PLCG2: variants seen among roughly 807,000 people sequenced by gnomAD.
PLCG2 encodes the protein 1-phosphatidylinositol 4,5-bisphosphate phosphodiesterase gamma-2.
A neutral mutation model predicts 175.6 loss-of-function variants in PLCG2; 69 were observed. That is an observed-to-expected ratio of 0.39 (90% CI 0.32 to 0.48). The LOEUF (loss-of-function observed/expected upper bound fraction) is 0.48, where lower values mean the gene tolerates loss of function less well. PLCG2 is among the 20% of genes least tolerant of loss of function. The probability of loss-of-function intolerance (pLI) is 0.91; values close to 1 mark genes in which losing one functional copy is unlikely to be tolerated. For synonymous variants in PLCG2, 827 were observed against 624.0 expected, an observed-to-expected ratio of 1.33 and a Z score of -4.85; for missense variants, 1,798 against 1,650.9, an observed-to-expected ratio of 1.09 and a Z score of -1.54.
chr16:81,859,669 G>T (rs1163540774), intron 5 of PLCG2, among the ~76,000 whole-genome samples: 4 of 152,102 alleles, frequency 2.6e-5, no homozygotes, highest in Admixed American at 6.5e-5. Flanking sequence ...CAAGTACCTA[G>T]GACTACAGGC....
chr16:81,761,229 G>A (rs1910035024), intron 2 of PLCG2, among the ~76,000 whole-genome samples: 1 of 152,106 alleles, frequency 6.6e-6, no homozygotes, highest in African/African-American at 2.4e-5. Flanking sequence ...GCTGGGTGTG[G>A]TTGTGCATAC....
intron 7 of PLCG2, among the ~76,000 whole-genome samples, chr16:81,876,651 C>T (rs1451443260): frequency 3.9e-5 from 6 of 152,162 alleles, no homozygotes; most frequent in Non-Finnish European, 7.3e-5. Context: ...TAAATGTGTG[C>T]GTGACCCAAG....
At chr16:81,757,632 T>G (rs988696246) in intron 2 of PLCG2, among the ~76,000 whole-genome samples, 4 of 152,160 alleles carry the variant, frequency 2.6e-5, no homozygotes, top group Admixed American at 1.3e-4. Context: ...CACTTCCTAT[T>G]TTTTACATTT....
intron 2 of PLCG2, among the ~76,000 whole-genome samples, chr16:81,757,162 T>C (rs1264916196): frequency 1.3e-5 from 2 of 152,126 alleles, no homozygotes; most frequent in Non-Finnish European, 2.9e-5. Context: ...AGGGACCACA[T>C]TGGAAATTCC....
Position 81,940,008 on chromosome 16 carries a change from G to A in PLCG2, c.3430G>A (p.Asp1144Asn), listed in dbSNP as rs769393894. Residue 1144 changes from aspartate (D) to asparagine (N), a missense_variant, in exon 30 of 33, where the codon GAT becomes AAT. By Grantham distance (23) the Asp-to-Asn change is conservative. Transcript: ENST00000564138. ...GGTTTATGAAGAAGATATGTTCAGC[G>A]ATCCCAACTTTCTTGCTCATGCCAC... ...FVVYEEDMFS[D>N]PNFLAHATYP... 6.2e-7 allele frequency: 1 copy of A among 1,614,102 alleles called. No individual in the cohort carries two copies. Among genetic ancestry groups the A allele is most frequent in the Non-Finnish European group, 8.5e-7 (1 of 1,179,926 alleles).
In PLCG2 at chr16:81,956,787, G is replaced by A. The variant is rs1455759195; in HGVS notation, c.3663G>A (p.Gln1221=). ...NNQLFLYDTH[Q]NLRNANRDAL... ...AGCTCTTTCTGTATGACACACACCAGAACTTGCGCAATGCCAACCGGGATG... is the reference window on the plus strand; with the variant it reads ...AGCTCTTTCTGTATGACACACACCAAAACTTGCGCAATGCCAACCGGGATG... The change falls in exon 32 of 33, where the codon CAG becomes CAA. Residue 1221 remains glutamine (Q), a synonymous_variant. Transcript: ENST00000564138. 1.9e-6 allele frequency: 3 copies of A among 1,614,080 alleles called. No individual in the cohort carries two copies. In the Admixed American group the frequency reaches 5.0e-5, roughly 27 times the overall value.
intron 1 of PLCG2, among the ~76,000 whole-genome samples, chr16:81,743,858 TC>T (rs1296831595): frequency 2.2e-5 from 3 of 138,846 alleles, no homozygotes; most frequent in Non-Finnish European, 4.9e-5. Flanking sequence ...TCCTTTTTTT[TC>T]TTTTTCTTTT....
intron 3 of PLCG2, among the ~76,000 whole-genome samples, chr16:81,857,714 C>G (rs1382508310): frequency 6.6e-6 from 1 of 152,136 alleles, no homozygotes; most frequent in African/African-American, 2.4e-5. Context: ...CTAAATACCT[C>G]ACAAAGGCCC....
intron 19 of PLCG2, among the ~76,000 whole-genome samples, chr16:81,915,522 C>A (rs1909803325): frequency 6.6e-6 from 1 of 152,232 alleles, no homozygotes; most frequent in South Asian, 2.1e-4. Flanking sequence ...CCCATCTCCC[C>A]TTCTGATTCT....
chr16:81,749,215 C>T (rs1909760004), intron 1 of PLCG2, among the ~76,000 whole-genome samples: 2 of 152,184 alleles, frequency 1.3e-5, no homozygotes, highest in African/African-American at 4.8e-5. Flanking sequence ...AGATCCTGTT[C>T]TCTGAACCCA....
chr16:81,842,257 T>C (rs1205704249), intron 2 of PLCG2, among the ~76,000 whole-genome samples: 2 of 152,224 alleles, frequency 1.3e-5, no homozygotes, highest in African/African-American at 2.4e-5. Context: ...AGGATGCATG[T>C]GCTCAGAGAA....
In PLCG2 at chr16:81,960,900, C is replaced by G. The variant is rs1443869388; in HGVS notation, c.*2902C>G. ...AGCCTCATCTTCCTGTTATATTCTT[C>G]TCTAAGATTCATCTGCCTGAGAAAA... On this transcript the variant is annotated 3_prime_UTR_variant, in exon 33 of 33. Transcript: ENST00000564138. 1 of 229,292 alleles carries G rather than the reference C, an allele frequency of 4.4e-6. No individual in the cohort carries two copies. Among genetic ancestry groups the G allele is most frequent in the African/African-American group, 2.2e-5 (1 of 45,126 alleles). 14.2% of individuals were successfully genotyped at this position (229,292 alleles called of 1,614,324 possible).
chr16:81,791,070 C>T (rs571000964), intron 2 of PLCG2, among the ~76,000 whole-genome samples: 1 of 152,236 alleles, frequency 6.6e-6, no homozygotes, highest in East Asian at 1.9e-4. Context: ...CTCATTTGTT[C>T]AGCACATGTT....
intron 31 of PLCG2, among the ~76,000 whole-genome samples, chr16:81,947,929 T>C (rs1290069374): frequency 6.6e-6 from 1 of 152,202 alleles, no homozygotes; most frequent in East Asian, 1.9e-4. Context: ...TTGTATATGA[T>C]ATTTCCATAG....
At chr16:81,825,222 G>A (rs76653789) in intron 2 of PLCG2, among the ~76,000 whole-genome samples, 3,235 of 152,148 alleles carry the variant, frequency 0.021, 121 homozygotes, top group African/African-American at 0.074. Flanking sequence ...GCTTATTTGG[G>A]AGTGTGTTTT....
rs1911805282 is a variant in PLCG2 at position 81,962,246 on chromosome 16, C to G, written c.*4248C>G. ...CTAAAAAGGACCTCAACCCTTTTGA[C>G]TTTAAAAGGAAAATAGCTTAACCTT... On this transcript the variant is annotated 3_prime_UTR_variant, in exon 33 of 33. Transcript: ENST00000564138. The G allele has an allele frequency of 5.2e-6, 1 of 192,826 alleles. No homozygotes were observed. Among genetic ancestry groups the G allele is most frequent in the Non-Finnish European group, 1.1e-5 (1 of 92,484 alleles). 11.9% of individuals were successfully genotyped at this position (192,826 alleles called of 1,614,324 possible). A position where few individuals can be genotyped will look rare whatever the true frequency, so the allele number is the denominator to read the frequency against.
chr16:81,866,045 G>T (rs1567505893), intron 5 of PLCG2, among the ~76,000 whole-genome samples: 1 of 135,354 alleles, frequency 7.4e-6, no homozygotes, highest in African/African-American at 2.9e-5. Flanking sequence ...GCACCAGCAT[G>T]AGAGGACGCT....
chr16:81,898,812 T>G (rs1409755000), intron 13 of PLCG2, among the ~76,000 whole-genome samples: 1 of 152,174 alleles, frequency 6.6e-6, no homozygotes, highest in Non-Finnish European at 1.5e-5. Flanking sequence ...CAGGGGATGT[T>G]CTTAAGAGAT....
chr16:81,826,315 G>A (rs945224492), intron 2 of PLCG2, among the ~76,000 whole-genome samples: 7 of 152,134 alleles, frequency 4.6e-5, no homozygotes, highest in Non-Finnish European at 8.8e-5. Context: ...AGAGATGGGG[G>A]AACCGAGAAA....
Sources: allele counts gnomAD v4.1 joint callset (sites outside exome capture counted in the v4.1 genomes callset), GRCh38; gene constraint gnomAD v4.1.1; transcripts MANE v1.5; gene names NCBI Gene and HGNC (gene_info 2026-07-23, HGNC 2026-07-21).